The following TMEM63A variants were observed in gnomAD, a reference collection of about 807,000 sequenced individuals.
TMEM63A encodes the protein transmembrane protein 63A, also known as mechanosensitive cation channel TMEM63A.
A neutral mutation model predicts 100.6 loss-of-function variants in TMEM63A; 76 were observed. The observed-to-expected ratio is 0.76, with a 90% CI of 0.63 to 0.91. The LOEUF is 0.91. Ranked by LOEUF, TMEM63A falls within the 40% of genes least tolerant of loss-of-function variation. The probability of loss-of-function intolerance (pLI) is 0.00; values close to 1 mark genes in which losing one functional copy is unlikely to be tolerated. For missense variants in TMEM63A, 876 were observed against 1,008.8 expected, an observed-to-expected ratio of 0.87 and a Z score of 1.78; for synonymous variants, 401 against 401.1, an observed-to-expected ratio of 1.00 and a Z score of 0.00.
intron 15 of TMEM63A, among the ~76,000 whole-genome samples, chr1:225,858,894 TTAGA>T (rs201688920): frequency 0.013 from 1,975 of 151,916 alleles, 42 homozygotes; most frequent in African/African-American, 0.045. Flanking sequence ...CATTCAGTAT[TTAGA>T]TAGTCTATTA....
Position 225,859,286 on chromosome 1 carries a change from G to A in TMEM63A, c.1287C>T (p.Leu429=). ...WLQWLGINFT[L]FLGLFFLTTP... Reference sequence around the variant, plus strand: ...TGGTCAGGAAAAATAGCCCCAGGAAGAGGGTGAAGTTGATGCCCAGCCACT... The same window carrying A: ...TGGTCAGGAAAAATAGCCCCAGGAAAAGGGTGAAGTTGATGCCCAGCCACT... Residue 429 remains leucine (L), a synonymous_variant, in exon 15 of 25, where the codon CTC becomes CTT. Transcript: ENST00000366835. The A allele has an allele frequency of 1.9e-6, 3 of 1,614,180 alleles. No individual in the cohort carries two copies. The highest frequency in any genetic ancestry group is 1.7e-6 in the Non-Finnish European group (2 of 1,180,048).
At chr1:225,875,577 AT>A (rs1670740542) in intron 3 of TMEM63A, among the ~76,000 whole-genome samples, 1 of 152,204 alleles carries the variant, frequency 6.6e-6, no homozygotes, top group African/African-American at 2.4e-5. Flanking sequence ...AGTTGGTGAC[AT>A]ATTTTCAAAG....
At chr1:225,850,172 GC>G in intron 20 of TMEM63A, 93 bp from the exon 21 acceptor site, 1 of 1,465,910 alleles carries the variant, frequency 6.8e-7, no homozygotes, top group Non-Finnish European at 9.4e-7. Context: ...TTGGCAAGGA[GC>G]CAGGGCTGGG....
At chr1:225,852,521 G>GT (rs780103702) in intron 20 of TMEM63A, 143 bp downstream of exon 20, 14 of 703,424 alleles carry the variant, frequency 2.0e-5, no homozygotes, top group Non-Finnish European at 3.2e-5. Flanking sequence ...CTGGTGTCAC[G>GT]TGAGTCTTTA....
Position 225,867,243 on chromosome 1 carries a change from G to A in TMEM63A, c.515-80C>T. The A allele has an allele frequency of 2.2e-6, 3 of 1,382,918 alleles. No individual in the cohort carries two copies. Among genetic ancestry groups the A allele is most frequent in the Non-Finnish European group, 3.1e-6 (3 of 970,326 alleles). 85.7% of individuals were successfully genotyped at this position (1,382,918 alleles called of 1,614,324 possible). A position where few individuals can be genotyped will look rare whatever the true frequency, so the allele number is the denominator to read the frequency against. On this transcript the variant is annotated intron_variant, in intron 7 of 24. Transcript: ENST00000366835. The surrounding 1 kb of genome is among the most constrained non-coding windows in gnomAD (Gnocchi z 4.6). ...GCGTAACCAATCAGCCTTGGTTTGT[G>A]GAGCTCTGGGGAGGAGGAGCATGTC... is the stretch of plus-strand genomic sequence containing the variant.
intron 23 of TMEM63A, among the ~76,000 whole-genome samples, chr1:225,848,022 G>C (rs963045899): frequency 6.6e-6 from 1 of 152,196 alleles, no homozygotes; most frequent in South Asian, 2.1e-4. Flanking sequence ...GGAGCCCTGT[G>C]TCTCTCTACC....
At chr1:225,841,985 T>A (rs1029451541), downstream of TMEM63A, among the ~76,000 whole-genome samples, 1 of 152,200 alleles carries the variant, frequency 6.6e-6, no homozygotes, top group Non-Finnish European at 1.5e-5. Context: ...TATTTTAGAC[T>A]TTTTTAGGTG....
Position 225,874,330 on chromosome 1 carries a change from A to G in TMEM63A, c.224T>C (p.Phe75Ser). The G allele has an allele frequency of 6.2e-7, 1 of 1,614,098 alleles. No individual in the cohort carries two copies. The highest frequency in any genetic ancestry group is 8.5e-7 in the Non-Finnish European group (1 of 1,180,016). The stretch of plus-strand genomic sequence containing the variant: ...CAGGGCAATGCGGCCATAGTCCCAG[A>G]ATCTTCTTCTTATAATAGAAAACAC... Reference protein sequence around the residue: ...ILVFSIIRRRFWDYGRIALVS... With the variant: ...ILVFSIIRRRSWDYGRIALVS... Residue 75 changes from phenylalanine to serine, a missense_variant, in exon 4 of 25, where the codon TTC (phenylalanine) becomes TCC (serine). By Grantham distance (155) the Phe-to-Ser change is radical. Coordinates refer to ENST00000366835, the MANE Select transcript of TMEM63A (RefSeq NM_014698.3).
At chr1:225,861,067 G>T in intron 13 of TMEM63A, 70 bp from the exon 14 acceptor site, 2 of 1,534,336 alleles carry the variant, frequency 1.3e-6, no homozygotes, top group Non-Finnish European at 1.8e-6. Context: ...GGCAAGTGGG[G>T]ACTGAGTAGG....
intron 10 of TMEM63A, chr1:225,864,175 C>T (rs1342483011): frequency 6.6e-6 from 1 of 152,206 alleles, no homozygotes; most frequent in Non-Finnish European, 1.5e-5. Context: ...AATACCCCCT[C>T]ACCATACACG....
chr1:225,876,658 T>G (rs901823114), intron 3 of TMEM63A, among the ~76,000 whole-genome samples: 7 of 36,534 alleles, frequency 1.9e-4, no homozygotes, highest in Non-Finnish European at 5.5e-4. Context: ...GTTTTTTTGG[T>G]TTTTTTTGAG....
At position 225,853,952 on chromosome 1, in the gene TMEM63A, T is replaced by C. The variant is rs1669485225; in HGVS notation, c.1635-161A>G. On this transcript the variant is annotated intron_variant, in intron 18 of 24. Coordinates refer to ENST00000366835, the MANE Select transcript of TMEM63A (RefSeq NM_014698.3). This position sits in a 1 kb window ranked among gnomAD's most constrained non-coding sequence, Gnocchi z 4.0. Reference sequence around the variant, plus strand: ...AACACATCTGTGTGCCAAGCACCTTTCTAGGCACTGAGAATAGAACAAAGC... The same window carrying C: ...AACACATCTGTGTGCCAAGCACCTTCCTAGGCACTGAGAATAGAACAAAGC... Among the ~76,000 whole-genome samples the C allele has an allele frequency of 6.6e-6, 1 of 152,094 alleles. No homozygotes were observed. The highest frequency in any genetic ancestry group is 6.5e-5 in the Admixed American group (1 of 15,278).
At position 225,867,742 on chromosome 1, in the gene TMEM63A, T is replaced by C. The variant is rs1670284931; in HGVS notation, c.514+146A>G. 15 of 1,144,406 alleles carry C rather than the reference T, an allele frequency of 1.3e-5. No individual in the cohort carries two copies. In the Admixed American group the frequency reaches 2.5e-4, roughly 19 times the overall value. 70.9% of individuals were successfully genotyped at this position (1,144,406 alleles called of 1,614,324 possible). On this transcript the variant is annotated intron_variant, in intron 7 of 24. Transcript: ENST00000366835. The surrounding 1 kb of genome is among the most constrained non-coding windows in gnomAD (Gnocchi z 4.6). ...GGTTTGCTCCAGATCTTTAATCAGA[T>C]AGAAATGTTCAGAGTCACCCTGAGA...
chr1:225,845,642 C>T lies in TMEM63A; in HGVS notation c.*1297G>A. 1 of 504,214 alleles carries T rather than the reference C, an allele frequency of 2.0e-6. No individual in the cohort carries two copies. The highest frequency in any genetic ancestry group is 2.1e-5 in the South Asian group (1 of 47,974). The allele number at this position is 504,214 out of a possible 1,614,324, so 31.2% of individuals were successfully genotyped here. ...TGCAAGCAGAGCTGGCCGGCCCCTC[C>T]TTGCTGGCAGAGGCACGGGAGGCCT... On this transcript the variant is annotated 3_prime_UTR_variant, in exon 25 of 25. Coordinates refer to ENST00000366835, the MANE Select transcript of TMEM63A (RefSeq NM_014698.3).
At chr1:225,842,666 C>T (rs1668528482), downstream of TMEM63A, among the ~76,000 whole-genome samples, 2 of 152,256 alleles carry the variant, frequency 1.3e-5, no homozygotes, top group South Asian at 2.1e-4. Context: ...GGGTTGTTCC[C>T]AGCCTCACAG....
Position 225,862,883 on chromosome 1 carries a change from AC to A in TMEM63A, c.747-33del, listed in dbSNP as rs1670015406. 1 of 1,606,442 alleles carries A rather than the reference AC, an allele frequency of 6.2e-7. No individual in the cohort carries two copies. Among genetic ancestry groups the A allele is most frequent in the Non-Finnish European group, 8.5e-7 (1 of 1,175,458 alleles). On this transcript the variant is annotated intron_variant, in intron 10 of 24. Coordinates refer to ENST00000366835, the MANE Select transcript of TMEM63A (RefSeq NM_014698.3). The surrounding 1 kb of genome is among the most constrained non-coding windows in gnomAD (Gnocchi z 5.1). ...CCAGGGAGAGAAGGAGGCAAAAGAC[AC>A]CGTTGGAAAAGAAAACACCCCAAGC...
chr1:225,871,447 A>AAAAGGCAAACATTAGGCAAAAGAGAG, intron 5 of TMEM63A: 1 of 287,518 alleles, frequency 3.5e-6, no homozygotes, highest in South Asian at 5.2e-5. Flanking sequence ...GAGAGGAAAC[A>AAAAGGCAAACATTAGGCAAAAGAGAG]AGCCTAATGG....
rs1668975390 is a variant in TMEM63A at position 225,846,201 on chromosome 1, TG to T, written c.*737del. On this transcript the variant is annotated 3_prime_UTR_variant, in exon 25 of 25. Coordinates refer to ENST00000366835, the MANE Select transcript of TMEM63A (RefSeq NM_014698.3). Reference sequence around the variant, plus strand: ...CTGAGCACTGCCCACCCCCACACCTTGGAGGGAGCAGACGGAGGGGGTGAGT... The same window carrying T: ...CTGAGCACTGCCCACCCCCACACCTTGAGGGAGCAGACGGAGGGGGTGAGT... 1.3e-5 allele frequency: 2 copies of T among 152,708 alleles called. No homozygotes were observed. The highest frequency in any genetic ancestry group is 2.9e-5 in the Non-Finnish European group (2 of 68,530). 9.5% of individuals were successfully genotyped at this position (152,708 alleles called of 1,614,324 possible).
chr1:225,844,378 T>C, downstream of TMEM63A: 1 of 1,484,992 alleles, frequency 6.7e-7, no homozygotes, highest in Non-Finnish European at 9.4e-7. Flanking sequence ...ACACGTTGCA[T>C]GAGGTCTGAG....
Sources: gnomAD v4.1 joint callset for allele counts (sites outside exome capture counted in the v4.1 genomes callset) on GRCh38, gnomAD v4.1.1 for gene constraint, Gnocchi (gnomAD v3.1) non-coding constraint, MANE v1.5 for transcripts, NCBI Gene and HGNC (gene_info 2026-07-23, HGNC 2026-07-21) for gene names.